BCKDHB: variants seen among roughly 807,000 people sequenced by gnomAD.
BCKDHB encodes branched chain keto acid dehydrogenase E1 subunit beta.
BCKDHB carries 41 observed loss-of-function variants against 48.5 expected under a neutral mutation model. The ratio of observed to expected loss-of-function variants is 0.85; its 90% CI spans 0.66 to 1.10. BCKDHB has a LOEUF of 1.10. BCKDHB is among the 50% of genes least tolerant of loss of function. BCKDHB has a pLI of 0.00. For missense variants in BCKDHB, 496 were observed against 494.2 expected (o/e 1.00, Z -0.03); for synonymous variants, 201 against 174.8 (o/e 1.15, Z -1.18).
the BCKDHB span, among the ~76,000 whole-genome samples, chr6:80,406,974 T>A: frequency 6.6e-6 from 1 of 152,184 alleles, no homozygotes; most frequent in East Asian, 1.9e-4. Context: ...CCTTCTAGGG[T>A]TTTTATGGTT....
intron 9 of BCKDHB, among the ~76,000 whole-genome samples, chr6:80,277,104 C>T (rs1777996862): frequency 6.6e-6 from 1 of 152,046 alleles, no homozygotes; most frequent in Non-Finnish European, 1.5e-5. Context: ...TTGACACATA[C>T]TATAACTTAA....
intron 3 of BCKDHB, among the ~76,000 whole-genome samples, chr6:80,150,510 G>A (rs1771718363): frequency 6.7e-6 from 1 of 148,804 alleles, no homozygotes; most frequent in Admixed American, 6.7e-5. Context: ...ATGAGTGACA[G>A]TAGGAACCTC....
chr6:80,364,544 C>T, the BCKDHB span, among the ~76,000 whole-genome samples: 6 of 152,172 alleles, frequency 3.9e-5, no homozygotes, highest in Non-Finnish European at 8.8e-5. Context: ...ATAAGTAAAA[C>T]GTATTCATTA....
At chr6:80,167,149 A>G (rs1048365748) in intron 3 of BCKDHB, among the ~76,000 whole-genome samples, 3 of 151,892 alleles carry the variant, frequency 2.0e-5, no homozygotes, top group African/African-American at 4.8e-5. Context: ...TATCTCTGGT[A>G]TGTTTTTTTC....
chr6:80,269,122 A>G (rs1448473161), intron 8 of BCKDHB, among the ~76,000 whole-genome samples: 4 of 152,142 alleles, frequency 2.6e-5, no homozygotes, highest in Non-Finnish European at 5.9e-5. Flanking sequence ...TGTGCTAGAC[A>G]TTCTGCATTG....
intron 9 of BCKDHB, among the ~76,000 whole-genome samples, chr6:80,342,556 G>GTA (rs1554216141): frequency 4.2e-5 from 1 of 24,096 alleles, no homozygotes; most frequent in Non-Finnish European, 7.4e-5. Context: ...CCTCATTTCT[G>GTA]AAAAAAAAAA....
At chr6:80,237,608 G>A (rs1365867154) in intron 8 of BCKDHB, among the ~76,000 whole-genome samples, 2 of 152,024 alleles carry the variant, frequency 1.3e-5, no homozygotes, top group Non-Finnish European at 2.9e-5. Flanking sequence ...TAAACTTCTG[G>A]AGTGAGAACT....
chr6:80,202,165 T>G (rs888371911), intron 7 of BCKDHB, among the ~76,000 whole-genome samples: 1 of 152,164 alleles, frequency 6.6e-6, no homozygotes, highest in Non-Finnish European at 1.5e-5. Flanking sequence ...TAACTTGCTC[T>G]TCCTCTTGCT....
intron 9 of BCKDHB, chr6:80,307,675 T>G (rs1273010327): frequency 3.1e-6 from 3 of 972,384 alleles, no homozygotes; most frequent in African/African-American, 3.5e-5. Context: ...TGTATTCACA[T>G]TAGGCCTATT....
At chr6:80,170,939 A>G (rs1279891999) in intron 5 of BCKDHB, among the ~76,000 whole-genome samples, 1 of 152,162 alleles carries the variant, frequency 6.6e-6, no homozygotes, top group Non-Finnish European at 1.5e-5. Flanking sequence ...ATTTCTTCAT[A>G]GATAAACACA....
chr6:80,280,404 G>A (rs1322796181), intron 9 of BCKDHB, among the ~76,000 whole-genome samples: 1 of 152,154 alleles, frequency 6.6e-6, no homozygotes, highest in Non-Finnish European at 1.5e-5. Context: ...ACACTGGGGA[G>A]GAGTGAGAGA....
intron 8 of BCKDHB, among the ~76,000 whole-genome samples, chr6:80,262,909 A>G (rs532102294): frequency 6.6e-6 from 1 of 152,312 alleles, no homozygotes; most frequent in South Asian, 2.1e-4. Flanking sequence ...TTACTGTTAT[A>G]GTCCTTGTCA....
chr6:80,216,524 C>T (rs1775178928), intron 8 of BCKDHB, among the ~76,000 whole-genome samples: 1 of 152,084 alleles, frequency 6.6e-6, no homozygotes, highest in African/African-American at 2.4e-5. Flanking sequence ...ATTTCACATC[C>T]CACCTGATGT....
At chr6:80,444,420 A>G in the BCKDHB span, among the ~76,000 whole-genome samples, 1 of 152,196 alleles carries the variant, frequency 6.6e-6, no homozygotes, top group African/African-American at 2.4e-5. Flanking sequence ...TACTTATTAA[A>G]ATAATTTAAC....
chr6:80,171,740 G>T (rs140848000), intron 6 of BCKDHB, among the ~76,000 whole-genome samples: 40 of 152,172 alleles, frequency 2.6e-4, no homozygotes, highest in African/African-American at 8.4e-4. Flanking sequence ...TAACTAAAGT[G>T]ACCATAAAGG....
chr6:80,123,057 C>T (rs1211398825), intron 1 of BCKDHB, among the ~76,000 whole-genome samples: 3 of 145,466 alleles, frequency 2.1e-5, no homozygotes, highest in African/African-American at 5.1e-5. Flanking sequence ...CAATATCTCT[C>T]CTACTTGCAT....
intron 3 of BCKDHB, among the ~76,000 whole-genome samples, chr6:80,144,156 C>A (rs2490243): frequency 0.77 from 116,881 of 152,098 alleles, 46,049 homozygotes; most frequent in African/African-American, 0.94. Flanking sequence ...CTGTATTCAA[C>A]GGCAGAAATA....
At chr6:80,301,417 A>G (rs775409401) in intron 9 of BCKDHB, among the ~76,000 whole-genome samples, 4 of 152,186 alleles carry the variant, frequency 2.6e-5, no homozygotes, top group Non-Finnish European at 5.9e-5. Context: ...CACACAAACT[A>G]GAAAATCTAC....
At chr6:80,420,134 A>G in the BCKDHB span, among the ~76,000 whole-genome samples, 1 of 152,156 alleles carries the variant, frequency 6.6e-6, no homozygotes, top group Non-Finnish European at 1.5e-5. Context: ...TCTTTGGCAG[A>G]CAATTTTTGA....
Sources: allele counts gnomAD v4.1 joint callset (sites outside exome capture counted in the v4.1 genomes callset), GRCh38; gene constraint gnomAD v4.1.1; transcripts MANE v1.5; gene names NCBI Gene and HGNC (gene_info 2026-07-23, HGNC 2026-07-21).